The following ADGRL2 variants were observed in gnomAD, a reference collection of about 807,000 sequenced individuals.
The protein encoded by ADGRL2 is calcium-independent alpha-latrotoxin receptor 2.
ADGRL2 carries 44 observed loss-of-function variants against 157.4 expected under a neutral mutation model. The ratio of observed to expected loss-of-function variants is 0.28; its 90% CI spans 0.22 to 0.36. The LOEUF (loss-of-function observed/expected upper bound fraction) is 0.36, where lower values mean the gene tolerates loss of function less well. ADGRL2 is among the 10% of genes least tolerant of loss of function. The probability of loss-of-function intolerance (pLI) is 1.00; values close to 1 mark genes in which losing one functional copy is unlikely to be tolerated. For missense variants in ADGRL2, 1,510 were observed against 1,768.9 expected, an observed-to-expected ratio of 0.85 and a Z score of 2.63; for synonymous variants, 585 against 624.7, an observed-to-expected ratio of 0.94 and a Z score of 0.95.
At chr1:81,917,306 T>C (rs958012498) in intron 3 of ADGRL2, among the ~76,000 whole-genome samples, 18 of 152,272 alleles carry the variant, frequency 1.2e-4, no homozygotes, top group African/African-American at 4.3e-4. Context: ...AGAATAATTG[T>C]GGGTAATTAG....
At position 81,760,769 on chromosome 1, in the gene ADGRL2, T is replaced by C. The variant is rs148038317; in HGVS notation, c.-142-1042T>C. Among the ~76,000 whole-genome samples the C allele has an allele frequency of 2.7e-3, 410 of 152,038 alleles. 3 individuals are homozygous for C. The highest frequency in any genetic ancestry group is 9.4e-3 in the African/African-American group (391 of 41,544). On this transcript the variant is annotated intron_variant, in intron 1 of 20. Coordinates refer to the ADGRL2 transcript ENST00000359929. ...GATGAGTTATAATATCAAAATTGTA[T>C]TGATAATCTTTAGAAATAAATTCCA...
chr1:81,671,118 T>A (rs897568793), intron 3 of ADGRL2, among the ~76,000 whole-genome samples: 1 of 152,198 alleles, frequency 6.6e-6, no homozygotes, highest in Non-Finnish European at 1.5e-5. Flanking sequence ...TTCCACTCTC[T>A]GCAAAATTCT....
intron 2 of ADGRL2, among the ~76,000 whole-genome samples, chr1:81,449,089 G>C (rs1256972176): frequency 6.6e-6 from 1 of 152,150 alleles, no homozygotes; most frequent in Non-Finnish European, 1.5e-5. Flanking sequence ...GATGTGGTTT[G>C]AATAATGAAT....
intron 3 of ADGRL2, among the ~76,000 whole-genome samples, chr1:81,668,340 G>A (rs771200257): frequency 2.6e-5 from 4 of 151,422 alleles, no homozygotes; most frequent in African/African-American, 7.3e-5. Context: ...CAGAAGAATC[G>A]CATGAACCTG....
intron 1 of ADGRL2, among the ~76,000 whole-genome samples, chr1:81,337,515 T>A (rs1661741647): frequency 6.6e-6 from 1 of 152,316 alleles, no homozygotes; most frequent in Middle Eastern, 3.4e-3. Flanking sequence ...CGTGAAAGCA[T>A]CAGACAAAAA....
intron 2 of ADGRL2, among the ~76,000 whole-genome samples, chr1:81,859,261 GTGT>G (rs1255289391): frequency 2.6e-5 from 4 of 152,198 alleles, no homozygotes; most frequent in African/African-American, 9.6e-5. Flanking sequence ...AAAAGAAATA[GTGT>G]TGTTTAAATC....
chr1:81,335,961 T>G (rs571889165), intron 1 of ADGRL2, among the ~76,000 whole-genome samples: 260 of 152,314 alleles, frequency 1.7e-3, no homozygotes, highest in Non-Finnish European at 2.2e-3. Context: ...TTAGCTGGAA[T>G]CTAGATTCCA....
rs149986653 is a variant in ADGRL2, at chr1:81,704,015, C to T, written c.-143+4207C>T. Among the ~76,000 whole-genome samples, 374 of 152,306 alleles carry T rather than the reference C, an allele frequency of 2.5e-3. 2 individuals are homozygous for T. Among genetic ancestry groups the T allele is most frequent in the African/African-American group, 8.6e-3 (356 of 41,552 alleles). ...CATCTCTCTGGAGCTACCCCTTCCC[C>T]CTGCTCATCTTTGGCCTTGCTGGTA... is the stretch of plus-strand genomic sequence containing the variant. On this transcript the variant is annotated intron_variant, in intron 1 of 20. Transcript: ENST00000359929.
intron 1 of ADGRL2, among the ~76,000 whole-genome samples, chr1:81,356,522 C>G (rs1221854172): frequency 6.6e-6 from 1 of 152,090 alleles, no homozygotes; most frequent in African/African-American, 2.4e-5. Flanking sequence ...GAGAAGGTCT[C>G]ATCCTCTTCT....
chr1:81,882,593 A>G (rs911402993), intron 2 of ADGRL2, among the ~76,000 whole-genome samples: 2 of 152,130 alleles, frequency 1.3e-5, no homozygotes, highest in Admixed American at 6.5e-5. Context: ...AAAATATGCA[A>G]TCTGTTTTCA....
chr1:81,792,848 T>C (rs1402877540), intron 2 of ADGRL2, among the ~76,000 whole-genome samples: 1 of 152,134 alleles, frequency 6.6e-6, no homozygotes, highest in Non-Finnish European at 1.5e-5. Context: ...AATGGTGCTG[T>C]AAATGTTATT....
At chr1:81,973,127 C>T (rs572782373) in intron 17 of ADGRL2, among the ~76,000 whole-genome samples, 66 of 151,896 alleles carry the variant, frequency 4.3e-4, no homozygotes, top group Non-Finnish European at 8.4e-4. Context: ...AACTTAAAAC[C>T]ACTTCAAGTG....
chr1:81,541,328 T>G (rs150280423), intron 2 of ADGRL2, among the ~76,000 whole-genome samples: 286 of 152,290 alleles, frequency 1.9e-3, no homozygotes, highest in African/African-American at 6.1e-3. Flanking sequence ...TTCTTTTCCA[T>G]GTATTATATT....
Position 81,993,163 on chromosome 1 carries a change from G to A in ADGRL2, c.*2018G>A, listed in dbSNP as rs1456473305. On this transcript the variant is annotated 3_prime_UTR_variant, in exon 24 of 24. Transcript: ENST00000686636. ...GTCACCCAGGCTGGAGTGCAGTAGTGTGATCTCGGCTCACTGCAACCTCCG... is the reference window on the plus strand; with the variant it reads ...GTCACCCAGGCTGGAGTGCAGTAGTATGATCTCGGCTCACTGCAACCTCCG... 2.5e-5 allele frequency among the ~76,000 whole-genome samples: 3 copies of A among 121,642 alleles called. No individual in the cohort carries two copies. The highest frequency in any genetic ancestry group is 4.8e-5 in the Non-Finnish European group (3 of 62,434). 79.8% of individuals were successfully genotyped at this position (121,642 alleles called of 152,430 possible). A position where few individuals can be genotyped will look rare whatever the true frequency, so the allele number is the denominator to read the frequency against.
At chr1:81,651,783 C>T (rs982605580) in intron 3 of ADGRL2, among the ~76,000 whole-genome samples, 1 of 152,108 alleles carries the variant, frequency 6.6e-6, no homozygotes, top group Non-Finnish European at 1.5e-5. Context: ...CTCAGGCCTA[C>T]GTGCAAGTGG....
chr1:81,699,158 T>C (rs2083506518), upstream of ADGRL2, among the ~76,000 whole-genome samples: 1 of 152,236 alleles, frequency 6.6e-6, no homozygotes, highest in South Asian at 2.1e-4. Flanking sequence ...CTGCCTTTTG[T>C]TTTGCAAACA....
chr1:81,941,347 T>TG (rs1647915201), intron 4 of ADGRL2, among the ~76,000 whole-genome samples: 1 of 151,476 alleles, frequency 6.6e-6, no homozygotes, highest in East Asian at 1.9e-4. Flanking sequence ...CTACTGGTGA[T>TG]GGGGGGATAT....
At chr1:81,668,161 G>A (rs1357446018) in intron 3 of ADGRL2, among the ~76,000 whole-genome samples, 1 of 152,044 alleles carries the variant, frequency 6.6e-6, no homozygotes, top group African/African-American at 2.4e-5. Context: ...AGAGGTTCAT[G>A]CCTGTAATCC....
At chr1:81,845,481 G>C (rs1377153148) in intron 2 of ADGRL2, among the ~76,000 whole-genome samples, 1 of 151,850 alleles carries the variant, frequency 6.6e-6, no homozygotes, top group East Asian at 1.9e-4. Context: ...TACCAGCAAT[G>C]ATCTGAAATT....
Sources: allele counts gnomAD v4.1 joint callset (sites outside exome capture counted in the v4.1 genomes callset), GRCh38; gene constraint gnomAD v4.1.1; transcripts MANE v1.5; gene names NCBI Gene and HGNC (gene_info 2026-07-23, HGNC 2026-07-21).